DCC: variants seen among roughly 807,000 people sequenced by gnomAD.
DCC encodes the protein DCC netrin 1 receptor.
A neutral mutation model predicts 172.5 loss-of-function variants in DCC; 58 were observed. That is an observed-to-expected ratio of 0.34 (90% CI 0.27 to 0.42). The LOEUF is 0.42. Among genes scored for constraint, DCC ranks in the 10% least tolerant of loss-of-function variants. The pLI is 1.00. For synonymous variants in DCC, 709 were observed against 644.5 expected (o/e 1.10, Z -1.52); for missense variants, 1,740 against 1,791.0 (o/e 0.97, Z 0.51).
chr18:52,794,483 A>G (rs565692574), intron 2 of DCC, among the ~76,000 whole-genome samples: 1 of 151,934 alleles, frequency 6.6e-6, no homozygotes, highest in South Asian at 2.1e-4. Flanking sequence ...TGCTTTTTGT[A>G]TGTTGTTTTT....
At chr18:52,685,504 T>G (rs2035816399) in intron 1 of DCC, among the ~76,000 whole-genome samples, 1 of 152,080 alleles carries the variant, frequency 6.6e-6, no homozygotes, top group Non-Finnish European at 1.5e-5. Context: ...GGGAGGTGTT[T>G]GGGGGTGGTA....
intron 15 of DCC, among the ~76,000 whole-genome samples, chr18:53,353,811 G>GTAGAA (rs2057841983): frequency 1.3e-5 from 2 of 151,916 alleles, no homozygotes; most frequent in Non-Finnish European, 2.9e-5. Context: ...GGGTACATGT[G>GTAGAA]CACAACGTGC....
intron 27 of DCC, among the ~76,000 whole-genome samples, chr18:53,524,922 G>A (rs1012422905): frequency 1.3e-5 from 2 of 151,830 alleles, no homozygotes; most frequent in Non-Finnish European, 1.5e-5. Flanking sequence ...CTGAGAATAA[G>A]AATACTTAGC....
chr18:52,563,847 T>G (rs781182947), intron 1 of DCC, among the ~76,000 whole-genome samples: 26 of 152,204 alleles, frequency 1.7e-4, no homozygotes, highest in Non-Finnish European at 5.9e-5. Context: ...CTGTTGTCTG[T>G]CATTTGGCCA....
At chr18:53,026,649 G>A (rs961136724) in intron 5 of DCC, among the ~76,000 whole-genome samples, 2 of 152,060 alleles carry the variant, frequency 1.3e-5, no homozygotes, top group African/African-American at 4.8e-5. Context: ...TTGAACTTCT[G>A]GGCTCAAGCG....
intron 5 of DCC, among the ~76,000 whole-genome samples, chr18:53,030,963 T>C (rs1216596875): frequency 6.6e-6 from 1 of 152,140 alleles, no homozygotes; most frequent in Admixed American, 6.6e-5. Flanking sequence ...GAATCTCTCT[T>C]GAAATATTTT....
chr18:53,355,178 G>C (rs987723572), intron 15 of DCC, among the ~76,000 whole-genome samples: 4 of 152,102 alleles, frequency 2.6e-5, no homozygotes, highest in South Asian at 2.1e-4. Context: ...GTTACTGTAG[G>C]CTTGTAGTAT....
At chr18:53,190,212 C>G (rs540201349) in intron 9 of DCC, among the ~76,000 whole-genome samples, 2 of 152,114 alleles carry the variant, frequency 1.3e-5, no homozygotes, top group Non-Finnish European at 2.9e-5. Flanking sequence ...AGGCATGAGC[C>G]GACATGTCTG....
At chr18:53,309,167 A>G (rs2057235967) in intron 13 of DCC, among the ~76,000 whole-genome samples, 1 of 152,108 alleles carries the variant, frequency 6.6e-6, no homozygotes, top group South Asian at 2.1e-4. Flanking sequence ...CCTACGGAGC[A>G]GCTGGGACTA....
At chr18:53,523,861 C>A (rs921564184) in intron 27 of DCC, among the ~76,000 whole-genome samples, 1 of 151,838 alleles carries the variant, frequency 6.6e-6, no homozygotes, top group Non-Finnish European at 1.5e-5. Flanking sequence ...ATGTAACAAA[C>A]CTGTACATTC....
chr18:52,579,997 G>A (rs1283139912), intron 1 of DCC, among the ~76,000 whole-genome samples: 8 of 152,190 alleles, frequency 5.3e-5, no homozygotes, highest in Non-Finnish European at 4.4e-5. Context: ...ATATGCTAAT[G>A]TATTGGACAT....
intron 21 of DCC, among the ~76,000 whole-genome samples, chr18:53,426,470 A>ATC (rs1568123849): frequency 1.4e-5 from 2 of 144,786 alleles, no homozygotes; most frequent in African/African-American, 5.0e-5. Flanking sequence ...TATTTATTAT[A>ATC]TATATTTTTA....
chr18:53,122,094 G>T (rs1327071228), intron 7 of DCC, among the ~76,000 whole-genome samples: 1 of 151,884 alleles, frequency 6.6e-6, no homozygotes, highest in Non-Finnish European at 1.5e-5. Context: ...TTATCCAATT[G>T]CTGCATGAGT....
intron 1 of DCC, among the ~76,000 whole-genome samples, chr18:52,640,721 A>G (rs2034873906): frequency 6.6e-6 from 1 of 152,186 alleles, no homozygotes; most frequent in Non-Finnish European, 1.5e-5. Flanking sequence ...TAGATCACAC[A>G]AACAAATGGA....
At chr18:53,298,036 G>A (rs554774554) in intron 12 of DCC, among the ~76,000 whole-genome samples, 34 of 152,206 alleles carry the variant, frequency 2.2e-4, no homozygotes, top group African/African-American at 7.5e-4. Context: ...GCTTGGCATC[G>A]ATATTAAGGT....
intron 9 of DCC, among the ~76,000 whole-genome samples, chr18:53,200,383 C>A (rs565097472): frequency 1.3e-5 from 2 of 152,226 alleles, no homozygotes; most frequent in South Asian, 4.2e-4. Flanking sequence ...ACATAAAGTG[C>A]CTTAGGCCTG....
intron 24 of DCC, among the ~76,000 whole-genome samples, chr18:53,462,712 T>C (rs1275435808): frequency 6.6e-6 from 1 of 152,146 alleles, no homozygotes; most frequent in Admixed American, 6.5e-5. Context: ...AGGTTGGGAA[T>C]GGCTGCTTTG....
chr18:52,901,432 A>AAAATAAAT (rs145752908), intron 2 of DCC, among the ~76,000 whole-genome samples: 25 of 151,920 alleles, frequency 1.6e-4, no homozygotes, highest in African/African-American at 6.1e-4. Context: ...ACTCGGGCTC[A>AAAATAAAT]AAATAAATAA....
Position 52,925,294 on chromosome 18 carries a change from T to A in DCC, c.909T>A (p.Asp303Glu). The A allele has an allele frequency of 6.2e-7, 1 of 1,612,590 alleles. No homozygotes were observed. The highest frequency in any genetic ancestry group is 8.5e-7 in the Non-Finnish European group (1 of 1,178,792). Residue 303 changes from aspartate to glutamate, a missense_variant, in exon 5 of 29, where the codon GAT becomes GAA. By Grantham distance (45) the Asp-to-Glu change is conservative (BLOSUM62 2). Transcript: ENST00000442544. ...SNLLISNVTD[D>E]DSGMYTCVVT... ...TGCTTATCTCCAATGTGACAGATGA[T>A]GACAGTGGAATGTATACCTGTGTTG...
Sources: gnomAD v4.1 joint callset for allele counts (sites outside exome capture counted in the v4.1 genomes callset) on GRCh38, gnomAD v4.1.1 for gene constraint, MANE v1.5 for transcripts, NCBI Gene and HGNC (gene_info 2026-07-23, HGNC 2026-07-21) for gene names.